ADGRL3: variants seen among roughly 807,000 people sequenced by gnomAD.
ADGRL3 encodes calcium-independent alpha-latrotoxin receptor 3.
A neutral mutation model predicts 153.5 loss-of-function variants in ADGRL3; 62 were observed. The observed-to-expected ratio is 0.40, with a 90% CI of 0.33 to 0.50. The LOEUF (loss-of-function observed/expected upper bound fraction) is 0.50, where lower values mean the gene tolerates loss of function less well. Among genes scored for constraint, ADGRL3 ranks in the 20% least tolerant of loss-of-function variants. The pLI, the probability that ADGRL3 is intolerant of heterozygous loss-of-function variation, is 0.47. For missense variants in ADGRL3, 1,641 were observed against 1,859.4 expected (o/e 0.88, Z 2.16); for synonymous variants, 710 against 672.5 (o/e 1.06, Z -0.86).
chr4:61,422,504 A>G (rs564958101), intron 2 of ADGRL3, among the ~76,000 whole-genome samples: 9 of 152,248 alleles, frequency 5.9e-5, no homozygotes, highest in Non-Finnish European at 2.9e-5. Flanking sequence ...GTTATGGAGT[A>G]CCTTATTTTA....
intron 2 of ADGRL3, chr4:61,427,631 A>AT (rs2097298930): frequency 1.3e-5 from 2 of 152,590 alleles, no homozygotes; most frequent in Non-Finnish European, 2.9e-5. Flanking sequence ...TTCCTGCTCT[A>AT]TTTTCTGACG....
At chr4:61,865,988 T>C (rs1287116324) in intron 9 of ADGRL3, among the ~76,000 whole-genome samples, 2 of 152,224 alleles carry the variant, frequency 1.3e-5, no homozygotes, top group Non-Finnish European at 2.9e-5. Flanking sequence ...TGAAAATGAA[T>C]GATGCATGTT....
chr4:61,684,756 C>A, intron 6 of ADGRL3, among the ~76,000 whole-genome samples: 1 of 91,918 alleles, frequency 1.1e-5, no homozygotes, highest in East Asian at 4.4e-4. Context: ...GGATTCTGTG[C>A]TTTTCTGTTT....
chr4:61,347,898 C>T (rs1209357349), intron 1 of ADGRL3, among the ~76,000 whole-genome samples: 1 of 151,978 alleles, frequency 6.6e-6, no homozygotes, highest in Non-Finnish European at 1.5e-5. Context: ...CTGAATCTAT[C>T]TAAAAAGACT....
Position 61,210,566 on chromosome 4 carries a change from T to C in ADGRL3, c.-240+8801T>C, listed in dbSNP as rs139998863. ...TGTTTCCCCCTTCCCCATTTCCTTT[T>C]TCTCAAACTCTTCCAAAGACTTTTG... On this transcript the variant is annotated intron_variant, in intron 1 of 26. Coordinates refer to ENST00000683033, the MANE Select transcript of ADGRL3 (RefSeq NM_001387552.1). 2.0e-5 allele frequency among the ~76,000 whole-genome samples: 3 copies of C among 152,352 alleles called. No homozygotes were observed. In the East Asian group the frequency reaches 5.8e-4, roughly 29 times the overall value.
chr4:61,759,536 A>T (rs1003172430), intron 8 of ADGRL3, among the ~76,000 whole-genome samples: 1 of 151,854 alleles, frequency 6.6e-6, no homozygotes, highest in Non-Finnish European at 1.5e-5. Context: ...TCCTTTAAGG[A>T]GTTCTCTGCA....
chr4:61,552,699 G>T (rs552071998), intron 4 of ADGRL3, among the ~76,000 whole-genome samples: 1 of 152,160 alleles, frequency 6.6e-6, no homozygotes, highest in Admixed American at 6.5e-5. Flanking sequence ...GAACTCCTGG[G>T]CTCAAGTGAT....
At chr4:61,557,356 C>A (rs1219050823) in intron 4 of ADGRL3, among the ~76,000 whole-genome samples, 1 of 152,058 alleles carries the variant, frequency 6.6e-6, no homozygotes, top group Non-Finnish European at 1.5e-5. Flanking sequence ...CCTTTATGAA[C>A]CTATAATAGA....
chr4:61,217,827 A>G (rs915202170), intron 1 of ADGRL3, among the ~76,000 whole-genome samples: 3 of 152,172 alleles, frequency 2.0e-5, no homozygotes, highest in East Asian at 1.9e-4. Flanking sequence ...AGTACCTGGT[A>G]TCTTTTGTCC....
chr4:61,508,766 C>A (rs544695907), intron 3 of ADGRL3, among the ~76,000 whole-genome samples: 6 of 152,144 alleles, frequency 3.9e-5, no homozygotes, highest in African/African-American at 7.2e-5. Flanking sequence ...TCGTTCTCAT[C>A]TTGTATTAGT....
chr4:61,713,282 C>A (rs1285786655), intron 6 of ADGRL3, among the ~76,000 whole-genome samples: 2 of 151,938 alleles, frequency 1.3e-5, no homozygotes, highest in African/African-American at 4.8e-5. Flanking sequence ...TGAGTATACT[C>A]ATTTTTTTCC....
intron 1 of ADGRL3, among the ~76,000 whole-genome samples, chr4:61,218,364 G>A (rs968690946): frequency 1.3e-5 from 2 of 151,926 alleles, no homozygotes; most frequent in Admixed American, 1.3e-4. Flanking sequence ...AGGCTGGAGT[G>A]CAGCAGCACG....
intron 5 of ADGRL3, among the ~76,000 whole-genome samples, chr4:61,601,123 T>A (rs1392703067): frequency 3.3e-5 from 5 of 152,174 alleles, no homozygotes; most frequent in Non-Finnish European, 5.9e-5. Context: ...AAGAATGTTG[T>A]TACTTTTTTA....
chr4:61,736,711 G>C lies in ADGRL3; in HGVS notation c.1399+3157G>C, dbSNP rs1220284415. Among the ~76,000 whole-genome samples, 4 of 152,164 alleles carry C rather than the reference G, an allele frequency of 2.6e-5. No homozygotes were observed. In the East Asian group the frequency reaches 5.8e-4, roughly 22 times the overall value. On this transcript the variant is annotated intron_variant, in intron 8 of 26. Coordinates refer to ENST00000683033, the MANE Select transcript of ADGRL3 (RefSeq NM_001387552.1). ...CTATTGAAGTAGCAAACATTAAGAA[G>C]TGATAGACTTCAGCTTTTAAAATGA... is the stretch of plus-strand genomic sequence containing the variant.
chr4:61,858,302 A>G (rs981231727), intron 9 of ADGRL3, among the ~76,000 whole-genome samples: 1 of 152,170 alleles, frequency 6.6e-6, no homozygotes, highest in Non-Finnish European at 1.5e-5. Flanking sequence ...ATATAAACAA[A>G]TGAGCATGGC....
At chr4:61,338,951 C>T (rs1470489697) in intron 1 of ADGRL3, among the ~76,000 whole-genome samples, 1 of 152,178 alleles carries the variant, frequency 6.6e-6, no homozygotes, top group East Asian at 1.9e-4. Context: ...GCAAACTTAA[C>T]TCATGTTTTA....
intron 2 of ADGRL3, among the ~76,000 whole-genome samples, chr4:61,478,242 T>A (rs574511013): frequency 1.6e-3 from 236 of 152,214 alleles, no homozygotes; most frequent in African/African-American, 5.4e-3. Context: ...TTAGATCTTC[T>A]GCTTAATGTT....
chr4:61,329,195 C>T (rs929176463), intron 1 of ADGRL3, among the ~76,000 whole-genome samples: 1 of 152,136 alleles, frequency 6.6e-6, no homozygotes, highest in Non-Finnish European at 1.5e-5. Context: ...TACTCCTCTA[C>T]TCTTATGAGT....
intron 1 of ADGRL3, among the ~76,000 whole-genome samples, chr4:61,309,749 A>G (rs903322116): frequency 6.6e-6 from 1 of 152,106 alleles, no homozygotes; most frequent in African/African-American, 2.4e-5. Context: ...AAAGTGAAAG[A>G]TAGGATTTAG....
Sources: allele counts gnomAD v4.1 joint callset (sites outside exome capture counted in the v4.1 genomes callset), GRCh38; gene constraint gnomAD v4.1.1; transcripts MANE v1.5; gene names NCBI Gene and HGNC (gene_info 2026-07-23, HGNC 2026-07-21).